Variants in MCF2 observed in about 807,000 individuals in gnomAD.
MCF2 encodes MCF.2 cell line derived transforming sequence.
A neutral mutation model predicts 82.5 loss-of-function variants in MCF2; 44 were observed. That is an observed-to-expected ratio of 0.53 (90% CI 0.42 to 0.69). The LOEUF (loss-of-function observed/expected upper bound fraction) is 0.69. MCF2 is among the 30% of genes least tolerant of loss of function. The pLI is 0.00. For missense variants in MCF2, 623 were observed against 663.1 expected (o/e 0.94, Z 0.66); for synonymous variants, 217 against 224.9 (o/e 0.96, Z 0.32).
rs1934034067 is a variant in MCF2, at chrX:139,651,918, G to A, written c.-44-130C>T. On this transcript the variant is annotated intron_variant, in intron 1 of 27. Transcript: ENST00000414978. The stretch of plus-strand genomic sequence containing the variant: ...CCACAGGTCTGTGTCCACAGACACT[G>A]TCGATCTCTTTCCTCCTCTCAACTA... 3 of 392,984 alleles carry A rather than the reference G, an allele frequency of 7.6e-6. No homozygotes were observed. In the South Asian group the frequency reaches 1.9e-4, roughly 25 times the overall value. The allele number at this position is 392,984 out of a possible 1,213,427, so 32.4% of individuals were successfully genotyped here. A position where few individuals can be genotyped will look rare whatever the true frequency, so the allele number is the denominator to read the frequency against.
chrX:139,691,482 T>TCTC (rs1261629770), intron 1 of MCF2, among the ~76,000 whole-genome samples: 1 of 111,869 alleles, frequency 8.9e-6, no homozygotes, highest in Non-Finnish European at 1.9e-5. Flanking sequence ...TATTCCCACT[T>TCTC]CTCCGGGGAC....
intron 1 of MCF2, among the ~76,000 whole-genome samples, chrX:139,682,495 T>C (rs1388606815): frequency 8.9e-6 from 1 of 112,578 alleles, no homozygotes; most frequent in African/African-American, 3.2e-5. Flanking sequence ...ATTTACAATA[T>C]GTAAAAATAG....
rs766038167 is a variant in MCF2 at position 139,631,299 on chromosome X, G to GT, written c.288+95dup. On this transcript the variant is annotated intron_variant, in intron 3 of 24. Coordinates refer to ENST00000370576, the Ensembl canonical transcript of MCF2. ...AGCTGGGGTTTTTTTGTTTTGTTTT[G>GT]TTTTGTTTTTTTCAAATAGGAAAGA... is the stretch of plus-strand genomic sequence containing the variant. 6.6e-6 allele frequency: 3 copies of GT among 456,421 alleles called. No individual in the cohort carries two copies. In the African/African-American group the frequency reaches 1.0e-4, roughly 16 times the overall value. 37.6% of individuals were successfully genotyped at this position (456,421 alleles called of 1,213,427 possible).
chrX:139,619,649 C>T, exon 7 of MCF2: 4 of 1,174,675 alleles, frequency 3.4e-6, no homozygotes, highest in Non-Finnish European at 4.6e-6. Flanking sequence ...GCTATAGTCC[C>T]TGTTACATCA....
intron 1 of MCF2, among the ~76,000 whole-genome samples, chrX:139,698,115 A>G (rs1935418843): frequency 8.9e-6 from 1 of 112,175 alleles, no homozygotes; most frequent in Non-Finnish European, 1.9e-5. Context: ...GTGCCACTGC[A>G]CTCTAGCCTT....
At chrX:139,657,063 C>T (rs1934221519) in intron 1 of MCF2, among the ~76,000 whole-genome samples, 1 of 111,885 alleles carries the variant, frequency 8.9e-6, no homozygotes, top group Non-Finnish European at 1.9e-5. Flanking sequence ...GGCTGTAACT[C>T]AACAGGTAAT....
chrX:139,674,584 C>A lies in MCF2; in HGVS notation c.-44-22796G>T. 1.8e-5 allele frequency among the ~76,000 whole-genome samples: 2 copies of A among 111,882 alleles called. 1 individual carries two copies. The highest frequency in any genetic ancestry group is 7.5e-4 in the South Asian group (2 of 2,652). ...TTTTATTTCTCCTTCACTTATGAAG[C>A]TTAGTTTGGCTGGATATGAAATTCT... is the stretch of plus-strand genomic sequence containing the variant. On this transcript the variant is annotated intron_variant, in intron 1 of 27. Transcript: ENST00000414978.
chrX:139,623,552 C>T (rs1017931602), intron 6 of MCF2, among the ~76,000 whole-genome samples: 1 of 111,174 alleles, frequency 9.0e-6, no homozygotes, highest in Non-Finnish European at 1.9e-5. Context: ...AAAGACAGAA[C>T]AATAAATGCT....
chrX:139,685,644 C>T (rs1335445438), intron 1 of MCF2, among the ~76,000 whole-genome samples: 1 of 111,107 alleles, frequency 9.0e-6, no homozygotes, highest in Non-Finnish European at 1.9e-5. Context: ...GCCGAATAAA[C>T]TGCTTCCTTC....
At chrX:139,660,978 G>A (rs1172507180) in intron 1 of MCF2, among the ~76,000 whole-genome samples, 3 of 111,544 alleles carry the variant, frequency 2.7e-5, no homozygotes, top group Non-Finnish European at 5.6e-5. Flanking sequence ...ATAATATAAG[G>A]CAGGGTATAG....
chrX:139,587,284 A>T (rs1420354325), intron 22 of MCF2, among the ~76,000 whole-genome samples: 4 of 110,745 alleles, frequency 3.6e-5, no homozygotes, highest in Admixed American at 2.9e-4. Flanking sequence ...ATGTAGAGAG[A>T]GGCCAAATCA....
intron 1 of MCF2, among the ~76,000 whole-genome samples, chrX:139,687,015 G>T (rs1167795360): frequency 9.2e-6 from 1 of 108,833 alleles, no homozygotes; most frequent in African/African-American, 3.3e-5. Flanking sequence ...TACATCTATG[G>T]CTTCATCTCA....
At chrX:139,660,546 T>C (rs752163286) in intron 1 of MCF2, among the ~76,000 whole-genome samples, 16 of 112,111 alleles carry the variant, frequency 1.4e-4, no homozygotes, top group African/African-American at 4.9e-4. Context: ...CTCTATACCA[T>C]CTGTAAATAG....
intron 12 of MCF2, chrX:139,607,150 C>CA (rs773801145): frequency 1.4e-4 from 15 of 103,771 alleles, no homozygotes; most frequent in Middle Eastern, 5.1e-3. Flanking sequence ...GTTCTCACCA[C>CA]AAAAAAAAAA....
At chrX:139,626,841 T>A (rs1294088858) in intron 4 of MCF2, 85 bp from the exon 8 acceptor site, 35 of 821,184 alleles carry the variant, frequency 4.3e-5, no homozygotes, top group Non-Finnish European at 5.9e-5. Flanking sequence ...AACTATGGCA[T>A]GAAGAATCGA....
chrX:139,587,264 C>A (rs1204996646), intron 22 of MCF2, among the ~76,000 whole-genome samples: 1 of 110,907 alleles, frequency 9.0e-6, no homozygotes, highest in African/African-American at 3.3e-5. Flanking sequence ...AGGATCCATA[C>A]CTTCTCTCTA....
intron 4 of MCF2, 124 bp from the exon 8 acceptor site, chrX:139,626,880 T>G: frequency 1.8e-6 from 1 of 562,669 alleles, no homozygotes; most frequent in Non-Finnish European, 2.7e-6. Flanking sequence ...GGCCTTTGCT[T>G]TCATAGCTCT....
At chrX:139,702,659 GA>G (rs1315602192) in intron 1 of MCF2, among the ~76,000 whole-genome samples, 1 of 112,516 alleles carries the variant, frequency 8.9e-6, no homozygotes, top group Non-Finnish European at 1.9e-5. Context: ...TTTCAGACCT[GA>G]AAAAGATTGG....
intron 2 of MCF2, among the ~76,000 whole-genome samples, chrX:139,649,989 T>C (rs774439366): frequency 3.0e-4 from 34 of 112,352 alleles, no homozygotes; most frequent in African/African-American, 1.1e-3. Flanking sequence ...AAGTCATCAT[T>C]AATTCACAGT....
Sources: allele counts gnomAD v4.1 joint callset (sites outside exome capture counted in the v4.1 genomes callset), GRCh38; gene constraint gnomAD v4.1.1; transcripts MANE v1.5; gene names NCBI Gene and HGNC (gene_info 2026-07-23, HGNC 2026-07-21).